LRRC7: variants seen among roughly 807,000 people sequenced by gnomAD.
LRRC7 encodes the protein leucine-rich repeat-containing protein 7.
A neutral mutation model predicts 175.7 loss-of-function variants in LRRC7; 23 were observed. The observed-to-expected ratio is 0.13, with a 90% confidence interval of 0.09 to 0.19. The LOEUF (loss-of-function observed/expected upper bound fraction) is 0.19. Ranked by LOEUF, LRRC7 falls within the 10% of genes least tolerant of loss-of-function variation. The pLI, the probability that LRRC7 is intolerant of heterozygous loss-of-function variation, is 1.00. For missense variants in LRRC7, 1,354 were observed against 1,904.7 expected, an observed-to-expected ratio of 0.71 and a Z score of 5.38; for synonymous variants, 685 against 680.9, an observed-to-expected ratio of 1.01 and a Z score of -0.09.
At chr1:70,107,727 A>C in intron 25 of LRRC7, 25 bp from the exon 26 acceptor site, 1 of 1,587,232 alleles carries the variant, frequency 6.3e-7, no homozygotes, top group Non-Finnish European at 8.6e-7. Flanking sequence ...ATAGAATCCT[A>C]ACCTCTGTTA....
At chr1:70,112,606 A>T (rs1665597475) in intron 26 of LRRC7, among the ~76,000 whole-genome samples, 1 of 152,148 alleles carries the variant, frequency 6.6e-6, no homozygotes, top group Non-Finnish European at 1.5e-5. Context: ...GAGGATGGCC[A>T]CTCACAAACA....
intron 11 of LRRC7, among the ~76,000 whole-genome samples, chr1:70,004,092 T>G (rs1271369410): frequency 6.6e-6 from 1 of 152,168 alleles, no homozygotes; most frequent in East Asian, 1.9e-4. Flanking sequence ...AATGAAAAGT[T>G]TATTATCTCT....
intron 7 of LRRC7, among the ~76,000 whole-genome samples, chr1:69,858,290 A>G (rs574769169): frequency 1.6e-4 from 24 of 152,334 alleles, no homozygotes; most frequent in Non-Finnish European, 3.4e-4. Flanking sequence ...GAGCTTCTGC[A>G]CAGCAAAAGA....
intron 8 of LRRC7, among the ~76,000 whole-genome samples, chr1:69,973,702 C>T (rs963639866): frequency 6.6e-6 from 1 of 152,212 alleles, no homozygotes; most frequent in Non-Finnish European, 1.5e-5. Context: ...CCTCCTGCCT[C>T]AGCCTCCCCA....
chr1:69,937,956 T>G (rs568355520), intron 8 of LRRC7, among the ~76,000 whole-genome samples: 2 of 151,906 alleles, frequency 1.3e-5, no homozygotes, highest in African/African-American at 4.8e-5. Context: ...GTTTTCACCT[T>G]TTTTTTAACT....
At chr1:70,105,470 A>G (rs1042265689) in intron 25 of LRRC7, among the ~76,000 whole-genome samples, 24 of 152,350 alleles carry the variant, frequency 1.6e-4, no homozygotes, top group African/African-American at 5.8e-4. Context: ...TGTTTAGAAG[A>G]TATCCTTGCA....
intron 8 of LRRC7, among the ~76,000 whole-genome samples, chr1:69,953,324 A>C (rs1411437393): frequency 6.6e-6 from 1 of 152,036 alleles, no homozygotes; most frequent in African/African-American, 2.4e-5. Context: ...TTCCTCAAGG[A>C]ACAACTCAAA....
intron 2 of LRRC7, among the ~76,000 whole-genome samples, chr1:69,716,909 CT>C (rs959322565): frequency 3.6e-4 from 55 of 151,856 alleles, no homozygotes; most frequent in African/African-American, 1.3e-3. Flanking sequence ...AGAGTTGATT[CT>C]TTATCCACAA....
chr1:69,806,445 G>A (rs1023251546), intron 4 of LRRC7, among the ~76,000 whole-genome samples: 1 of 151,874 alleles, frequency 6.6e-6, no homozygotes, highest in African/African-American at 2.4e-5. Context: ...GTGTTTGTAA[G>A]GCAGAATCAG....
At chr1:69,759,432 G>A (rs536351638) in intron 2 of LRRC7, among the ~76,000 whole-genome samples, 111 of 152,084 alleles carry the variant, frequency 7.3e-4, no homozygotes, top group African/African-American at 2.5e-3. Flanking sequence ...AAAATTTCAT[G>A]GCATTTGGTC....
chr1:69,777,149 C>A (rs927239776), intron 3 of LRRC7, among the ~76,000 whole-genome samples: 2 of 152,090 alleles, frequency 1.3e-5, no homozygotes, highest in Non-Finnish European at 2.9e-5. Flanking sequence ...AGCAGCCTAC[C>A]TACAGAGGAA....
intron 2 of LRRC7, among the ~76,000 whole-genome samples, chr1:69,734,073 T>A (rs1188545939): frequency 6.6e-6 from 1 of 152,008 alleles, no homozygotes; most frequent in African/African-American, 2.4e-5. Context: ...GTTGGGAGTG[T>A]CACATATATT....
Position 69,717,981 on chromosome 1 carries a change from AAG to A in LRRC7, c.100+39506_100+39507del, listed in dbSNP as rs1411432958. On this transcript the variant is annotated intron_variant, in intron 2 of 26. Transcript: ENST00000651989. ...GAAGAAAAAGAAAGAAAGAGAAAGA[AAG>A]AGGAGGGAGAGAAAGAAAGAAAAGA... Among the ~76,000 whole-genome samples the A allele has an allele frequency of 8.3e-4, 114 of 136,704 alleles. 1 individual carries two copies. Among genetic ancestry groups the A allele is most frequent in the East Asian group, 5.9e-3 (28 of 4,778 alleles). The allele number at this position is 136,704 out of a possible 152,430, so 89.7% of individuals were successfully genotyped here.
intron 1 of LRRC7, among the ~76,000 whole-genome samples, chr1:69,594,067 TAA>T (rs1380719499): frequency 2.6e-5 from 4 of 152,170 alleles, no homozygotes; most frequent in African/African-American, 4.8e-5. Flanking sequence ...ATGGATAAAA[TAA>T]AGTGTCTAAT....
intron 4 of LRRC7, among the ~76,000 whole-genome samples, chr1:69,813,603 T>G (rs533357308): frequency 1.3e-5 from 2 of 152,300 alleles, no homozygotes; most frequent in African/African-American, 4.8e-5. Flanking sequence ...ATTTTTTAAA[T>G]TAAATATACC....
intron 2 of LRRC7, among the ~76,000 whole-genome samples, chr1:69,732,055 C>T (rs1301930053): frequency 2.0e-5 from 3 of 151,818 alleles, no homozygotes; most frequent in Non-Finnish European, 4.4e-5. Flanking sequence ...ATTATTTGAG[C>T]CATTCAGTGC....
chr1:70,086,475 C>A (rs1359680103), intron 24 of LRRC7, among the ~76,000 whole-genome samples: 1 of 152,120 alleles, frequency 6.6e-6, no homozygotes, highest in Non-Finnish European at 1.5e-5. Flanking sequence ...TTCTTTAAAA[C>A]CGGTCTCTTA....
intron 2 of LRRC7, among the ~76,000 whole-genome samples, chr1:69,717,853 G>GAAAGAAA (rs1309359434): frequency 6.4e-5 from 1 of 15,630 alleles, no homozygotes; most frequent in African/African-American, 4.1e-4. Flanking sequence ...AAGAAAGAAA[G>GAAAGAAA]GAAAGAAAGA....
In LRRC7 at chr1:70,039,354, C is replaced by G; in HGVS notation, c.3530C>G (p.Pro1177Arg). The G allele has an allele frequency of 6.2e-7, 1 of 1,614,032 alleles. No individual in the cohort carries two copies. Among genetic ancestry groups the G allele is most frequent in the South Asian group, 1.1e-5 (1 of 91,084 alleles). The change falls in exon 21 of 27, where the codon CCA (proline) becomes CGA (arginine). Residue 1177 changes from proline (P) to arginine (R), a missense_variant. By Grantham distance (103) the Pro-to-Arg change is moderately radical (BLOSUM62 -2). This residue lies in a region of LRRC7 where 1,032 missense variants were observed against 1,227.2 expected (regional missense o/e 0.84). Transcript: ENST00000651989. Reference sequence around the variant, plus strand: ...GTCAATGAGCCTCATGAGCTGCCCCCAACTGATAGGTACGGCAGACCCCCA... The same window carrying G: ...GTCAATGAGCCTCATGAGCTGCCCCGAACTGATAGGTACGGCAGACCCCCA... ...RRVNEPHELPPTDRYGRPPYR... is the reference protein window; with the variant it reads ...RRVNEPHELPRTDRYGRPPYR...
Sources: allele counts gnomAD v4.1 joint callset (sites outside exome capture counted in the v4.1 genomes callset), GRCh38; gene constraint gnomAD v4.1.1; regional missense constraint gnomAD v4.1.1; transcripts MANE v1.5; gene names NCBI Gene and HGNC (gene_info 2026-07-23, HGNC 2026-07-21).